SPAG16: variants seen among roughly 807,000 people sequenced by gnomAD.
SPAG16 encodes the protein sperm associated antigen 16, also known as sperm-associated antigen 16 protein.
A neutral mutation model predicts 80.4 loss-of-function variants in SPAG16; 86 were observed. That is an observed-to-expected ratio of 1.07 (90% CI 0.90 to 1.28). The LOEUF (loss-of-function observed/expected upper bound fraction) is 1.28, where lower values mean the gene tolerates loss of function less well. Among genes scored for constraint, SPAG16 ranks in the 50% most tolerant of loss-of-function variants. The pLI is 0.00. For synonymous variants in SPAG16, 294 were observed against 265.9 expected (o/e 1.11, Z -1.03); for missense variants, 870 against 765.3 (o/e 1.14, Z -1.61).
chr2:213,358,690 G>A (rs374020331), intron 7 of SPAG16, among the ~76,000 whole-genome samples: 6 of 152,058 alleles, frequency 3.9e-5, no homozygotes, highest in Non-Finnish European at 5.9e-5. Flanking sequence ...GCTTCCTTGC[G>A]ATGGGTTAGA....
intron 5 of SPAG16, among the ~76,000 whole-genome samples, chr2:213,338,697 A>T (rs1391481362): frequency 6.6e-6 from 1 of 152,192 alleles, no homozygotes; most frequent in African/African-American, 2.4e-5. Flanking sequence ...AAGGAATGGG[A>T]CCATGTCCTT....
chr2:213,385,140 C>G (rs192397015), intron 9 of SPAG16, among the ~76,000 whole-genome samples: 1 of 152,238 alleles, frequency 6.6e-6, no homozygotes, highest in African/African-American at 2.4e-5. Context: ...TCTGGTCATC[C>G]GGTGGACATG....
At chr2:213,437,179 A>G (rs2125512110) in intron 9 of SPAG16, among the ~76,000 whole-genome samples, 1 of 152,298 alleles carries the variant, frequency 6.6e-6, no homozygotes, top group East Asian at 1.9e-4. Flanking sequence ...CATTACAGGC[A>G]TGAGCCACTG....
chr2:213,764,998 T>C (rs1299787413), intron 10 of SPAG16, among the ~76,000 whole-genome samples: 1 of 152,206 alleles, frequency 6.6e-6, no homozygotes, highest in African/African-American at 2.4e-5. Context: ...TTTCTCATCA[T>C]TGCAGGCCTT....
At chr2:213,652,553 A>T (rs1053904694) in intron 10 of SPAG16, among the ~76,000 whole-genome samples, 1 of 152,066 alleles carries the variant, frequency 6.6e-6, no homozygotes, top group Non-Finnish European at 1.5e-5. Context: ...CCTTGCGAGC[A>T]TTTCATATTG....
intron 10 of SPAG16, among the ~76,000 whole-genome samples, chr2:213,808,378 G>A (rs2071904990): frequency 6.6e-6 from 1 of 152,108 alleles, no homozygotes; most frequent in African/African-American, 2.4e-5. Context: ...ACATTTACTG[G>A]AAAACACACC....
intron 13 of SPAG16, among the ~76,000 whole-genome samples, chr2:214,091,397 A>G (rs1403176539): frequency 6.6e-6 from 1 of 152,160 alleles, no homozygotes; most frequent in Non-Finnish European, 1.5e-5. Flanking sequence ...AAACAGAGCC[A>G]GTATTCAAAT....
intron 15 of SPAG16, among the ~76,000 whole-genome samples, chr2:214,206,632 T>A (rs1446784131): frequency 1.3e-5 from 2 of 152,202 alleles, no homozygotes; most frequent in African/African-American, 4.8e-5. Flanking sequence ...TTTGGACATA[T>A]ACCCAGCAGT....
At chr2:213,833,775 G>T (rs978154495) in intron 10 of SPAG16, among the ~76,000 whole-genome samples, 1 of 148,070 alleles carries the variant, frequency 6.8e-6, no homozygotes, top group African/African-American at 2.5e-5. Flanking sequence ...CATCTCCCAT[G>T]ATAAATGTAT....
chr2:213,630,071 C>T (rs2062090065), intron 10 of SPAG16, among the ~76,000 whole-genome samples: 1 of 152,156 alleles, frequency 6.6e-6, no homozygotes, highest in Non-Finnish European at 1.5e-5. Flanking sequence ...GCATTAAATT[C>T]CCTCTATTTT....
At chr2:213,968,695 A>G (rs1032149578) in intron 12 of SPAG16, among the ~76,000 whole-genome samples, 2 of 152,224 alleles carry the variant, frequency 1.3e-5, no homozygotes, top group African/African-American at 2.4e-5. Context: ...TTCTGGCTCT[A>G]TCAGGTGTTA....
At chr2:214,229,333 T>G (rs1688526201) in intron 15 of SPAG16, among the ~76,000 whole-genome samples, 1 of 151,730 alleles carries the variant, frequency 6.6e-6, no homozygotes, top group South Asian at 2.1e-4. Flanking sequence ...AGAAAATATC[T>G]TAATCCATAA....
intron 12 of SPAG16, among the ~76,000 whole-genome samples, chr2:213,992,994 C>T (rs552188001): frequency 6.6e-6 from 1 of 152,286 alleles, no homozygotes; most frequent in African/African-American, 2.4e-5. Context: ...CAAAATACTT[C>T]AAGCAAAACT....
intron 15 of SPAG16, among the ~76,000 whole-genome samples, chr2:214,400,413 A>G (rs190743648): frequency 1.3e-5 from 2 of 152,188 alleles, no homozygotes; most frequent in East Asian, 3.9e-4. Context: ...AATAATATAA[A>G]AATATAACAA....
intron 10 of SPAG16, among the ~76,000 whole-genome samples, chr2:213,555,139 T>G (rs1008686084): frequency 6.6e-6 from 1 of 152,132 alleles, no homozygotes; most frequent in East Asian, 1.9e-4. Flanking sequence ...AGCAGTGCAC[T>G]TCTCAGCAGA....
intron 11 of SPAG16, among the ~76,000 whole-genome samples, chr2:213,889,792 G>A (rs1199494204): frequency 6.6e-6 from 1 of 150,974 alleles, no homozygotes; most frequent in African/African-American, 2.4e-5. Flanking sequence ...CATCTGACAA[G>A]TTGAGAAAAA....
chr2:213,968,171 C>T (rs986929059), intron 12 of SPAG16, among the ~76,000 whole-genome samples: 3 of 150,762 alleles, frequency 2.0e-5, no homozygotes, highest in African/African-American at 7.3e-5. Flanking sequence ...CTCTTCTCAT[C>T]TCTTTTCTTT....
At position 213,808,462 on chromosome 2, in the gene SPAG16, G is replaced by A. The variant is rs548764076; in HGVS notation, c.1071-54023G>A. 2.6e-5 allele frequency among the ~76,000 whole-genome samples: 4 copies of A among 152,260 alleles called. No individual in the cohort carries two copies. In the South Asian group the frequency reaches 8.3e-4, roughly 32 times the overall value. ...TCAGAGACCGGGGGTATAGGAGGAT[G>A]AGCTCAATTTCTAAATCAAAACCAG... On this transcript the variant is annotated intron_variant, in intron 10 of 15. Coordinates refer to ENST00000331683, the MANE Select transcript of SPAG16 (RefSeq NM_024532.5).
At chr2:214,152,836 G>A (rs1274379689) in intron 15 of SPAG16, among the ~76,000 whole-genome samples, 3 of 152,180 alleles carry the variant, frequency 2.0e-5, no homozygotes, top group Non-Finnish European at 4.4e-5. Flanking sequence ...GAGAGGGAGA[G>A]GAGACAGAGA....
Sources: allele counts gnomAD v4.1 joint callset (sites outside exome capture counted in the v4.1 genomes callset), GRCh38; gene constraint gnomAD v4.1.1; transcripts MANE v1.5; gene names NCBI Gene and HGNC (gene_info 2026-07-23, HGNC 2026-07-21).